The following DRC1 variants were observed in gnomAD, a reference collection of about 807,000 sequenced individuals.
The protein encoded by DRC1 is dynein regulatory complex protein 1.
DRC1 carries 74 observed loss-of-function variants against 98.7 expected under a neutral mutation model. The ratio of observed to expected loss-of-function variants is 0.75; its 90% CI spans 0.62 to 0.91. The LOEUF (loss-of-function observed/expected upper bound fraction) is 0.91. DRC1 is among the 40% of genes least tolerant of loss of function. DRC1 has a pLI of 0.00. For missense variants in DRC1, 875 were observed against 886.0 expected (o/e 0.99, Z 0.16); for synonymous variants, 336 against 334.1 (o/e 1.01, Z -0.06).
At chr2:26,445,248 C>A (rs1296315325) in intron 10 of DRC1, among the ~76,000 whole-genome samples, 1 of 152,140 alleles carries the variant, frequency 6.6e-6, no homozygotes, top group Non-Finnish European at 1.5e-5. Context: ...TGTTAGCAAC[C>A]ATTGCTAATC....
chr2:26,454,913 A>G lies in DRC1; in HGVS notation c.2063+123A>G. 2 of 1,516,694 alleles carry G rather than the reference A, an allele frequency of 1.3e-6. No homozygotes were observed. Among genetic ancestry groups the G allele is most frequent in the East Asian group, 2.3e-5 (1 of 44,206 alleles). The allele number at this position is 1,516,694 out of a possible 1,614,324, so 94.0% of individuals were successfully genotyped here. A position where few individuals can be genotyped will look rare whatever the true frequency, so the allele number is the denominator to read the frequency against. ...CTGGGAGGGAAGAGCTGCCCTTGGC[A>G]TCTCCTGTGTGGGTGGATCATGTGG... is the stretch of plus-strand genomic sequence containing the variant. On this transcript the variant is annotated intron_variant, in intron 15 of 16. Coordinates refer to ENST00000288710, the MANE Select transcript of DRC1 (RefSeq NM_145038.5). The surrounding 1 kb of genome is among the most constrained non-coding windows in gnomAD (Gnocchi z 5.2).
chr2:26,437,748 A>G (rs970329367), intron 7 of DRC1, among the ~76,000 whole-genome samples: 2 of 152,156 alleles, frequency 1.3e-5, no homozygotes, highest in Admixed American at 1.3e-4. Flanking sequence ...CTGTAGGGAA[A>G]TGGTAAATTA....
chr2:26,416,454 G>A (rs1464461184), intron 2 of DRC1, among the ~76,000 whole-genome samples: 2 of 152,024 alleles, frequency 1.3e-5, no homozygotes, highest in East Asian at 3.9e-4. Context: ...CATGTTTTTA[G>A]TGGTCATTAT....
At chr2:26,403,174 G>A (rs1335055252) in intron 1 of DRC1, among the ~76,000 whole-genome samples, 1 of 152,158 alleles carries the variant, frequency 6.6e-6, no homozygotes, top group Non-Finnish European at 1.5e-5. Flanking sequence ...TGATCAAAAA[G>A]TATAGCATTC....
intron 2 of DRC1, among the ~76,000 whole-genome samples, chr2:26,418,547 TTATATATAA>T (rs1447573906): frequency 2.6e-5 from 3 of 113,748 alleles, no homozygotes; most frequent in African/African-American, 1.1e-4. Flanking sequence ...ATATTATAAA[TTATATATAA>T]TTTATATATA....
Position 26,407,913 on chromosome 2 carries a change from G to A in DRC1, c.155+5769G>A, listed in dbSNP as rs548339342. On this transcript the variant is annotated intron_variant, in intron 1 of 16. Transcript: ENST00000288710. ...CCGTGCACATGTAAGCCTAATGCAC[G>A]TGCGTAATGAGTTTTCTCCGTAAAT... 7.2e-5 allele frequency among the ~76,000 whole-genome samples: 11 copies of A among 152,294 alleles called. No individual in the cohort carries two copies. In the South Asian group the frequency reaches 1.9e-3, roughly 26 times the overall value.
chr2:26,414,816 T>C (rs1200432131), intron 2 of DRC1, among the ~76,000 whole-genome samples: 1 of 152,154 alleles, frequency 6.6e-6, no homozygotes, highest in Non-Finnish European at 1.5e-5. Context: ...AGTGGGGTTT[T>C]GTTCATTTCT....
intron 1 of DRC1, among the ~76,000 whole-genome samples, chr2:26,413,315 C>T (rs1257619724): frequency 1.3e-5 from 2 of 152,152 alleles, no homozygotes; most frequent in Admixed American, 6.6e-5. Flanking sequence ...TCATCTTTCT[C>T]GTGCATATTT....
chr2:26,410,691 A>G (rs1678578392), intron 1 of DRC1, among the ~76,000 whole-genome samples: 1 of 152,216 alleles, frequency 6.6e-6, no homozygotes, highest in South Asian at 2.1e-4. Flanking sequence ...CCTGAAGATC[A>G]TGAGGTTCCT....
intron 7 of DRC1, among the ~76,000 whole-genome samples, chr2:26,435,770 T>C (rs1189711328): frequency 6.6e-6 from 1 of 152,152 alleles, no homozygotes; most frequent in East Asian, 1.9e-4. Flanking sequence ...TTTTTAAACT[T>C]TATGTCAAAC....
In DRC1 at chr2:26,429,871, C is replaced by T. The variant is rs191773172; in HGVS notation, c.678+106C>T. On this transcript the variant is annotated intron_variant, in intron 5 of 16. Transcript: ENST00000288710. ...GAGGGCCCTACATGACTTCTCTGTC[C>T]GCTGATTTCTGTTTCTGCTCTCAGG... The T allele has an allele frequency of 2.1e-3, 2,561 of 1,217,044 alleles. 6 individuals are homozygous for T. Among genetic ancestry groups the T allele is most frequent in the Non-Finnish European group, 2.5e-3 (2,224 of 878,884 alleles). 75.4% of individuals were successfully genotyped at this position (1,217,044 alleles called of 1,614,324 possible). A position where few individuals can be genotyped will look rare whatever the true frequency, so the allele number is the denominator to read the frequency against.
At chr2:26,443,467 C>T (rs936027505) in intron 8 of DRC1, among the ~76,000 whole-genome samples, 3 of 152,262 alleles carry the variant, frequency 2.0e-5, no homozygotes, top group South Asian at 4.1e-4. Context: ...TTTGGACCAC[C>T]CCCTCCCCTG....
At chr2:26,450,762 G>T in intron 13 of DRC1, 81 bp downstream of exon 13, 1 of 1,243,060 alleles carries the variant, frequency 8.0e-7, no homozygotes, top group Non-Finnish European at 1.1e-6. Context: ...TAAGTTCTGG[G>T]TTACATGTGC....
intron 1 of DRC1, among the ~76,000 whole-genome samples, chr2:26,409,743 T>A (rs1426583395): frequency 6.6e-6 from 1 of 152,258 alleles, no homozygotes; most frequent in Admixed American, 6.5e-5. Flanking sequence ...AGAGTTGTTT[T>A]ATCATTAGCT....
chr2:26,441,324 C>G (rs1195091670), intron 8 of DRC1, among the ~76,000 whole-genome samples: 1 of 152,164 alleles, frequency 6.6e-6, no homozygotes, highest in Non-Finnish European at 1.5e-5. Context: ...GTAATACATA[C>G]ATTTTGGACA....
intron 2 of DRC1, among the ~76,000 whole-genome samples, chr2:26,417,349 G>A (rs186603164): frequency 4.6e-3 from 647 of 141,276 alleles, no homozygotes; most frequent in Non-Finnish European, 7.3e-3. Flanking sequence ...TTTTTCTTCC[G>A]AAACAGCCTC....
intron 1 of DRC1, among the ~76,000 whole-genome samples, chr2:26,412,893 C>T (rs1678664558): frequency 6.6e-6 from 1 of 152,180 alleles, no homozygotes; most frequent in Non-Finnish European, 1.5e-5. Flanking sequence ...CGCCATTCTC[C>T]TGCCTCAGCC....
Position 26,456,694 on chromosome 2 carries a change from T to A in DRC1, c.*177T>A. 1.5e-6 allele frequency: 1 copy of A among 655,800 alleles called. No individual in the cohort carries two copies. The highest frequency in any genetic ancestry group is 2.2e-5 in the South Asian group (1 of 45,748). 40.6% of individuals were successfully genotyped at this position (655,800 alleles called of 1,614,324 possible). ...AGTTACCTGTGTCCTGCATTATGAT[T>A]AAAGCCTTTTAAAGTTGTGGCTGAA... On this transcript the variant is annotated 3_prime_UTR_variant, in exon 17 of 17. Transcript: ENST00000288710.
intron 3 of DRC1, among the ~76,000 whole-genome samples, chr2:26,421,683 C>G (rs1663147664): frequency 6.6e-6 from 1 of 151,712 alleles, no homozygotes; most frequent in African/African-American, 2.4e-5. Flanking sequence ...GCCTCAGCCT[C>G]CTGAGTAGCT....
Sources: allele counts gnomAD v4.1 joint callset (sites outside exome capture counted in the v4.1 genomes callset), GRCh38; gene constraint gnomAD v4.1.1; non-coding constraint Gnocchi (gnomAD v3.1); transcripts MANE v1.5; gene names NCBI Gene and HGNC (gene_info 2026-07-23, HGNC 2026-07-21).